The following NEK11 variants were observed in gnomAD, a reference collection of about 807,000 sequenced individuals.
NEK11 encodes the protein serine/threonine-protein kinase Nek11.
Under a neutral mutation model 80.7 loss-of-function variants are expected in NEK11, and 72 were observed. That is an observed-to-expected ratio of 0.89 (90% CI 0.74 to 1.08). The LOEUF (loss-of-function observed/expected upper bound fraction) is 1.08, where lower values mean the gene tolerates loss of function less well. NEK11 is among the 50% of genes least tolerant of loss of function. The pLI is 0.00. For missense variants in NEK11, 764 were observed against 763.6 expected (o/e 1.00, Z -0.01); for synonymous variants, 251 against 260.7 (o/e 0.96, Z 0.36).
intron 17 of NEK11, among the ~76,000 whole-genome samples, chr3:131,338,978 T>TTA (rs901387386): frequency 2.0e-4 from 30 of 152,116 alleles, no homozygotes; most frequent in African/African-American, 6.0e-4. Flanking sequence ...AGAAATTTTG[T>TTA]TATATATATT....
intron 14 of NEK11, among the ~76,000 whole-genome samples, chr3:131,198,518 G>A (rs1446560730): frequency 1.3e-5 from 2 of 152,162 alleles, no homozygotes; most frequent in African/African-American, 4.8e-5. Context: ...TTCACATCAT[G>A]AGATGTCCAC....
intron 14 of NEK11, among the ~76,000 whole-genome samples, chr3:131,193,276 A>G (rs1036804990): frequency 6.6e-6 from 1 of 152,114 alleles, no homozygotes; most frequent in Admixed American, 6.5e-5. Flanking sequence ...GTGATATTAC[A>G]TGCCATATAG....
At chr3:131,104,153 A>T (rs1015435021) in intron 4 of NEK11, among the ~76,000 whole-genome samples, 21 of 152,116 alleles carry the variant, frequency 1.4e-4, no homozygotes, top group African/African-American at 5.1e-4. Flanking sequence ...CTGCAACAAC[A>T]ATCAGGCTGT....
chr3:131,066,330 C>T (rs1202012283), intron 3 of NEK11, among the ~76,000 whole-genome samples: 1 of 152,156 alleles, frequency 6.6e-6, no homozygotes, highest in Admixed American at 6.5e-5. Context: ...AAATACTGCT[C>T]ATAAAAATTG....
intron 17 of NEK11, among the ~76,000 whole-genome samples, chr3:131,313,093 T>C (rs1346313123): frequency 1.3e-5 from 2 of 152,198 alleles, no homozygotes; most frequent in African/African-American, 4.8e-5. Flanking sequence ...TTTCTATTAC[T>C]GTGTTAGTTC....
At chr3:131,234,539 GT>G (rs1373004734) in intron 15 of NEK11, among the ~76,000 whole-genome samples, 1 of 152,166 alleles carries the variant, frequency 6.6e-6, no homozygotes, top group Non-Finnish European at 1.5e-5. Context: ...GATACTCCCA[GT>G]TTGGTGTGTC....
chr3:131,206,495 A>G (rs545472238), intron 14 of NEK11, among the ~76,000 whole-genome samples: 2 of 152,362 alleles, frequency 1.3e-5, no homozygotes, highest in East Asian at 3.9e-4. Flanking sequence ...GCTAATAAAA[A>G]TATTAGAATC....
chr3:131,115,453 T>C (rs1438592153), intron 5 of NEK11, among the ~76,000 whole-genome samples: 1 of 152,164 alleles, frequency 6.6e-6, no homozygotes, highest in Non-Finnish European at 1.5e-5. Flanking sequence ...CTGGAAACAC[T>C]AAGAAGAATG....
At chr3:131,149,605 G>A (rs150401601) in intron 7 of NEK11, among the ~76,000 whole-genome samples, 386 of 151,958 alleles carry the variant, frequency 2.5e-3, no homozygotes, top group Admixed American at 4.3e-3. Flanking sequence ...TTCTTGTGTC[G>A]TAAGTTGTGT....
chr3:131,349,914 T>C lies in NEK11; in HGVS notation c.*138T>C. 1.5e-6 allele frequency: 1 copy of C among 660,574 alleles called. No homozygotes were observed. 40.9% of individuals were successfully genotyped at this position (660,574 alleles called of 1,614,324 possible). A position where few individuals can be genotyped will look rare whatever the true frequency, so the allele number is the denominator to read the frequency against. ...TTGACTTTCAATTCCTCATCAGAAG[T>C]ACTGGCTTCTTTAGAGAGTAGTAAG... On this transcript the variant is annotated 3_prime_UTR_variant, in exon 18 of 18. Coordinates refer to ENST00000383366, the MANE Select transcript of NEK11 (RefSeq NM_024800.5).
At chr3:131,305,381 C>T (rs1413585284) in intron 17 of NEK11, among the ~76,000 whole-genome samples, 4 of 152,016 alleles carry the variant, frequency 2.6e-5, no homozygotes, top group African/African-American at 9.7e-5. Flanking sequence ...GGTTGGGCAT[C>T]CAAGGCTGCA....
intron 15 of NEK11, among the ~76,000 whole-genome samples, chr3:131,239,290 G>A (rs2095484987): frequency 6.6e-6 from 1 of 152,164 alleles, no homozygotes; most frequent in African/African-American, 2.4e-5. Context: ...GGTTGACTGA[G>A]GACGTGCCTG....
rs567503281 is a variant in NEK11, at chr3:131,318,726, C to T, written c.1719-30831C>T. On this transcript the variant is annotated intron_variant, in intron 17 of 17. Coordinates refer to ENST00000383366, the MANE Select transcript of NEK11 (RefSeq NM_024800.5). ...CATCCATATGTCATTGTTTAGTATGCGTGTGTACATGTGTATATATATATA... is the reference window on the plus strand; with the variant it reads ...CATCCATATGTCATTGTTTAGTATGTGTGTGTACATGTGTATATATATATA... Among the ~76,000 whole-genome samples, 17 of 137,494 alleles carry T rather than the reference C, an allele frequency of 1.2e-4. No homozygotes were observed. The South Asian group carries it at 3.6e-3, about 29-fold the overall frequency. The allele number at this position is 137,494 out of a possible 152,430, so 90.2% of individuals were successfully genotyped here.
intron 17 of NEK11, among the ~76,000 whole-genome samples, chr3:131,283,516 CTGTGTGTG>C (rs4044351): frequency 0.023 from 3,342 of 147,344 alleles, 96 homozygotes; most frequent in African/African-American, 0.073. Flanking sequence ...CAGGCTATTA[CTGTGTGTG>C]TGTGTGTGTG....
chr3:131,204,743 C>T (rs1356491726), intron 14 of NEK11, among the ~76,000 whole-genome samples: 1 of 151,676 alleles, frequency 6.6e-6, no homozygotes, highest in Non-Finnish European at 1.5e-5. Flanking sequence ...TTAAATAGGC[C>T]AAAATTAATT....
chr3:131,115,604 TCA>T lies in NEK11; in HGVS notation c.455+5686_455+5687del, dbSNP rs545132936. On this transcript the variant is annotated intron_variant, in intron 5 of 17. Transcript: ENST00000383366. ...TAATGATGTTAAAACCTGAGAAAAT[TCA>T]CAGTTCACTAGAAGCTATCTTGAGA... Among the ~76,000 whole-genome samples the T allele has an allele frequency of 1.1e-4, 16 of 152,336 alleles. No homozygotes were observed. The East Asian group carries it at 2.9e-3, about 28-fold the overall frequency.
intron 17 of NEK11, among the ~76,000 whole-genome samples, chr3:131,348,788 AC>A (rs35355339): frequency 6.6e-6 from 1 of 151,846 alleles, no homozygotes. Flanking sequence ...AAATAACTTT[AC>A]CCCTTTTAAG....
chr3:131,097,887 C>G (rs553295139), intron 4 of NEK11, among the ~76,000 whole-genome samples: 2 of 144,170 alleles, frequency 1.4e-5, no homozygotes, highest in African/African-American at 2.5e-5. Context: ...GGAGGCATCA[C>G]GCTACCTGAC....
At chr3:131,028,924 T>C (rs1237198643) in intron 2 of NEK11, among the ~76,000 whole-genome samples, 1 of 152,244 alleles carries the variant, frequency 6.6e-6, no homozygotes, top group Non-Finnish European at 1.5e-5. Context: ...ATCTGTAGCA[T>C]TTATATTCCA....
Sources: gnomAD v4.1 joint callset for allele counts (sites outside exome capture counted in the v4.1 genomes callset) on GRCh38, gnomAD v4.1.1 for gene constraint, MANE v1.5 for transcripts, NCBI Gene and HGNC (gene_info 2026-07-23, HGNC 2026-07-21) for gene names.